Variants in SLC44A1 observed in about 807,000 individuals in gnomAD.
The protein encoded by SLC44A1 is choline transporter-like protein 1.
In SLC44A1, 26 loss-of-function variants were observed where a neutral mutation model predicts 79.3. The ratio of observed to expected loss-of-function variants is 0.33; its 90% CI spans 0.24 to 0.46. The LOEUF (loss-of-function observed/expected upper bound fraction) is 0.46, where lower values mean the gene tolerates loss of function less well. Ranked by LOEUF, SLC44A1 falls within the 20% of genes least tolerant of loss-of-function variation. The pLI is 1.00. For missense variants in SLC44A1, 688 were observed against 798.1 expected (o/e 0.86, Z 1.66); for synonymous variants, 263 against 286.2 (o/e 0.92, Z 0.82).
At chr9:105,429,833 T>C (rs1271113779) in intron 15 of SLC44A1, among the ~76,000 whole-genome samples, 2 of 143,386 alleles carry the variant, frequency 1.4e-5, no homozygotes, top group Non-Finnish European at 2.9e-5. Flanking sequence ...CTCAATTTTA[T>C]TTAAATCTTC....
Position 105,389,130 on chromosome 9 carries a change from TG to T in SLC44A1, c.*77del, listed in dbSNP as rs1828701505. Reference sequence around the variant, plus strand: ...ACACATAACTATGTATTTGTGTGTGTGGGTGTGTGTATATATGTATATGTAT... The same window carrying T: ...ACACATAACTATGTATTTGTGTGTGTGGTGTGTGTATATATGTATATGTAT... On this transcript the variant is annotated 3_prime_UTR_variant, in exon 16 of 16. Transcript: ENST00000374720. The T allele has an allele frequency of 8.8e-6, 14 of 1,589,116 alleles. No homozygotes were observed. In the South Asian group the frequency reaches 1.4e-4, roughly 16 times the overall value.
At chr9:105,411,259 T>C (rs1046103593) in intron 15 of SLC44A1, among the ~76,000 whole-genome samples, 1 of 152,178 alleles carries the variant, frequency 6.6e-6, no homozygotes, top group Non-Finnish European at 1.5e-5. Context: ...AGAATTTTTA[T>C]ATATACCCTT....
intron 1 of SLC44A1, among the ~76,000 whole-genome samples, chr9:105,267,427 T>C (rs1305873683): frequency 6.6e-6 from 1 of 152,200 alleles, no homozygotes; most frequent in Non-Finnish European, 1.5e-5. Flanking sequence ...CTTAATTCTT[T>C]CTTGGATTTT....
Position 105,361,347 on chromosome 9 carries a change from G to A in SLC44A1, c.900+17G>A, listed in dbSNP as rs758467731. 8 of 1,567,254 alleles carry A rather than the reference G, an allele frequency of 5.1e-6. No homozygotes were observed. In the East Asian group the frequency reaches 1.8e-4, roughly 35 times the overall value. On this transcript the variant is annotated intron_variant, in intron 8 of 15. Transcript: ENST00000374720. The stretch of plus-strand genomic sequence containing the variant: ...GTGTTCACAGTGAGTTTAGGCTTTG[G>A]CGTGTCTTTCGGTTTTGTGTTTTTG...
intron 1 of SLC44A1, among the ~76,000 whole-genome samples, chr9:105,292,135 C>A (rs1423431641): frequency 6.6e-6 from 1 of 152,130 alleles, no homozygotes; most frequent in African/African-American, 2.4e-5. Context: ...CTTTGAATGT[C>A]GGAGAATGCA....
chr9:105,381,820 T>A (rs1181624501), intron 13 of SLC44A1, among the ~76,000 whole-genome samples: 1 of 152,180 alleles, frequency 6.6e-6, no homozygotes, highest in Non-Finnish European at 1.5e-5. Context: ...TCTAATGCAT[T>A]TTAACTCCGA....
At chr9:105,244,956 C>G (rs1164753914) in intron 1 of SLC44A1, 52 bp downstream of exon 1, 2 of 1,008,280 alleles carry the variant, frequency 2.0e-6, no homozygotes, top group Non-Finnish European at 2.5e-6. Flanking sequence ...CCGTGCGCCG[C>G]GTCGCGCGGC....
At chr9:105,295,344 A>T (rs942730182) in intron 1 of SLC44A1, among the ~76,000 whole-genome samples, 7 of 152,312 alleles carry the variant, frequency 4.6e-5, no homozygotes, top group Admixed American at 2.6e-4. Context: ...AGATCCTGTG[A>T]AGGGGAGAGA....
chr9:105,350,543 C>T (rs966292635), intron 5 of SLC44A1, among the ~76,000 whole-genome samples: 3 of 152,120 alleles, frequency 2.0e-5, no homozygotes, highest in Non-Finnish European at 4.4e-5. Context: ...AAGTACCCCT[C>T]AGCATCCTTC....
In SLC44A1 at chr9:105,335,575, T is replaced by C; in HGVS notation, c.282T>C (p.Phe94=). 2 of 1,612,248 alleles carry C rather than the reference T, an allele frequency of 1.2e-6. No individual in the cohort carries two copies. Among genetic ancestry groups the C allele is most frequent in the Non-Finnish European group, 1.7e-6 (2 of 1,178,846 alleles). ...CTCCATGCTTTAGGTATGTATTCTT[T>C]TTGGATCCATGCAACCTGGACTTGA... The part of the protein sequence containing the change: ...MDHTQRKYVF[F]LDPCNLDLIN... Residue 94 remains phenylalanine (F), a synonymous_variant, in exon 4 of 16, where the codon TTT becomes TTC. Transcript: ENST00000374720.
rs376340154 is a variant in SLC44A1 at position 105,288,379 on chromosome 9, C to T, written c.37-10841C>T. Among the ~76,000 whole-genome samples the T allele has an allele frequency of 7.2e-5, 11 of 151,996 alleles. No homozygotes were observed. In the East Asian group the frequency reaches 7.7e-4, roughly 11 times the overall value. ...TGTTTTTTGTTTTGAGACAGGGTCT[C>T]GCTCTGTCGCCCTGGCCGGGGTGCG... On this transcript the variant is annotated intron_variant, in intron 1 of 15. Coordinates refer to ENST00000374720, the MANE Select transcript of SLC44A1 (RefSeq NM_080546.5).
chr9:105,406,220 C>G (rs1217659848), intron 15 of SLC44A1, among the ~76,000 whole-genome samples: 2 of 152,102 alleles, frequency 1.3e-5, no homozygotes, highest in African/African-American at 4.8e-5. Context: ...TGGCCACACA[C>G]ACACACACCA....
At chr9:105,422,052 T>C (rs1829258625) in intron 15 of SLC44A1, among the ~76,000 whole-genome samples, 1 of 152,162 alleles carries the variant, frequency 6.6e-6, no homozygotes, top group Admixed American at 6.5e-5. Context: ...GTGACAGCGT[T>C]AGGTTGGACT....
intron 1 of SLC44A1, among the ~76,000 whole-genome samples, chr9:105,253,697 A>G (rs909822117): frequency 1.3e-5 from 2 of 152,288 alleles, no homozygotes; most frequent in African/African-American, 4.8e-5. Context: ...TCGTGCCTGT[A>G]TTCCGGCCTG....
intron 4 of SLC44A1, among the ~76,000 whole-genome samples, chr9:105,336,245 T>C (rs1353215492): frequency 6.6e-6 from 1 of 152,054 alleles, no homozygotes; most frequent in African/African-American, 2.4e-5. Context: ...GAAATTTAAA[T>C]TCTAGCATCA....
rs1028319347 is a variant in SLC44A1 at position 105,416,489 on chromosome 9, C to G, written c.1951-21792C>G. On this transcript the variant is annotated intron_variant, in intron 15 of 15. Coordinates refer to the SLC44A1 transcript ENST00000374724. ...TTGGGGGTGGGGGCAACAATTCATT[C>G]CATTGGGGTGGGTCAAGGAATAAAT... is the stretch of plus-strand genomic sequence containing the variant. Among the ~76,000 whole-genome samples, 3 of 151,988 alleles carry G rather than the reference C, an allele frequency of 2.0e-5. No individual in the cohort carries two copies. The South Asian group carries it at 6.2e-4, about 32-fold the overall frequency.
chr9:105,414,050 G>GTT (rs36029577), intron 15 of SLC44A1, among the ~76,000 whole-genome samples: 2,393 of 140,300 alleles, frequency 0.017, 22 homozygotes, highest in Non-Finnish European at 0.02. Flanking sequence ...TTAGTGTTTG[G>GTT]TTTTTTTTTT....
At chr9:105,290,822 A>C (rs1830586516) in intron 1 of SLC44A1, among the ~76,000 whole-genome samples, 1 of 152,250 alleles carries the variant, frequency 6.6e-6, no homozygotes, top group South Asian at 2.1e-4. Flanking sequence ...GTGATTTAGC[A>C]TAAAGTTCAT....
At chr9:105,356,141 G>T in intron 5 of SLC44A1, 71 bp from the exon 6 acceptor site, 1 of 1,176,336 alleles carries the variant, frequency 8.5e-7, no homozygotes, top group Non-Finnish European at 1.3e-6. Flanking sequence ...CCTTTCATTT[G>T]TGTGTTTGAT....
Sources: gnomAD v4.1 joint callset for allele counts (sites outside exome capture counted in the v4.1 genomes callset) on GRCh38, gnomAD v4.1.1 for gene constraint, MANE v1.5 for transcripts, NCBI Gene and HGNC (gene_info 2026-07-23, HGNC 2026-07-21) for gene names.